Variants in MTAP observed in about 807,000 individuals in gnomAD.
MTAP encodes S-methyl-5'-thioadenosine phosphorylase.
Under a neutral mutation model 33.6 loss-of-function variants are expected in MTAP, and 33 were observed. The observed-to-expected ratio is 0.98, with a 90% CI of 0.74 to 1.31. The LOEUF is 1.31. Ranked by LOEUF, MTAP falls within the 40% of genes most tolerant of loss-of-function variation. MTAP has a pLI of 0.00. For synonymous variants in MTAP, 148 were observed against 125.7 expected (o/e 1.18, Z -1.19); for missense variants, 367 against 360.0 (o/e 1.02, Z -0.16).
intron 5 of MTAP, among the ~76,000 whole-genome samples, chr9:21,852,845 A>AT: frequency 6.6e-6 from 1 of 152,178 alleles, no homozygotes; most frequent in Admixed American, 6.5e-5. Context: ...AGGAGTTAAT[A>AT]TGAAAGTCCT....
At chr9:21,929,568 T>A in intron 1 of MTAP, 1 of 365,760 alleles carries the variant, frequency 2.7e-6, no homozygotes, top group Non-Finnish European at 5.7e-6. Context: ...CAGGATCCCC[T>A]TACTCCACCA....
At position 21,856,056 on chromosome 9, in the gene MTAP, CTT is replaced by C. The variant is rs544745908; in HGVS notation, c.690+1189_690+1190del. ...GTATTTTAATGATTACCTCTTGTCT[CTT>C]TTAATCTAATTTTCACCTCTTTCTC... On this transcript the variant is annotated intron_variant, in intron 6 of 7. Coordinates refer to ENST00000644715, the MANE Select transcript of MTAP (RefSeq NM_002451.4). 4 of 576,142 alleles carry C rather than the reference CTT, an allele frequency of 6.9e-6. No individual in the cohort carries two copies. In the African/African-American group the frequency reaches 8.1e-5, roughly 12 times the overall value. The allele number at this position is 576,142 out of a possible 1,614,324, so 35.7% of individuals were successfully genotyped here.
At chr9:21,820,800 T>C (rs1459548802) in intron 4 of MTAP, among the ~76,000 whole-genome samples, 1 of 152,216 alleles carries the variant, frequency 6.6e-6, no homozygotes, top group Non-Finnish European at 1.5e-5. Flanking sequence ...TTTTATTTCA[T>C]TGAGCAGTGG....
chr9:21,803,748 A>C (rs894971584), intron 1 of MTAP, among the ~76,000 whole-genome samples: 3 of 151,914 alleles, frequency 2.0e-5, no homozygotes, highest in African/African-American at 4.8e-5. Context: ...GATTTTTAGA[A>C]ATTTTTGGCC....
rs114436674 is a variant in MTAP, at chr9:21,842,914, A to G, written c.450+4904A>G. Among the ~76,000 whole-genome samples, 772 of 152,320 alleles carry G rather than the reference A, an allele frequency of 5.1e-3. 3 individuals carry two copies. Among genetic ancestry groups the G allele is most frequent in the African/African-American group, 0.018 (730 of 41,568 alleles). On this transcript the variant is annotated intron_variant, in intron 5 of 7. Coordinates refer to ENST00000644715, the MANE Select transcript of MTAP (RefSeq NM_002451.4). ...GAATAGAACAGTACCTCACATCCCAATACTGATGTCGAATGTAAATGACCT... is the reference window on the plus strand; with the variant it reads ...GAATAGAACAGTACCTCACATCCCAGTACTGATGTCGAATGTAAATGACCT...
chr9:21,848,881 G>T (rs1000196806), intron 5 of MTAP, among the ~76,000 whole-genome samples: 1 of 152,150 alleles, frequency 6.6e-6, no homozygotes, highest in Non-Finnish European at 1.5e-5. Context: ...GCACTCAGCT[G>T]TCAAAGGCAA....
intron 5 of MTAP, among the ~76,000 whole-genome samples, chr9:21,849,116 A>G (rs1263839013): frequency 1.3e-5 from 2 of 152,130 alleles, no homozygotes; most frequent in African/African-American, 4.8e-5. Flanking sequence ...CCCTCAACCA[A>G]TTTCCAGACT....
downstream of MTAP, chr9:21,934,297 A>T (rs184868514): frequency 1.3e-5 from 2 of 152,338 alleles, no homozygotes; most frequent in African/African-American, 4.8e-5. The surrounding 1 kb of genome is among the most constrained non-coding windows in gnomAD (Gnocchi z 5.0). Flanking sequence ...TAGGTTTTCA[A>T]TCTTGTCTAC....
chr9:21,846,108 T>C (rs890922506), intron 5 of MTAP, among the ~76,000 whole-genome samples: 1 of 152,120 alleles, frequency 6.6e-6, no homozygotes, highest in Non-Finnish European at 1.5e-5. Flanking sequence ...TAAAAATCAA[T>C]GCAAGATGCA....
At chr9:21,930,055 C>T in intron 1 of MTAP, 2 of 433,156 alleles carry the variant, frequency 4.6e-6, no homozygotes, top group Non-Finnish European at 4.5e-6. Context: ...CAAGCTCATG[C>T]AGTACTTGAA....
chr9:21,823,612 G>T lies in MTAP; in HGVS notation c.347+5410G>T, dbSNP rs1009448459. 2.8e-4 allele frequency among the ~76,000 whole-genome samples: 42 copies of T among 152,284 alleles called. No homozygotes were observed. In the Middle Eastern group the frequency reaches 0.014, roughly 49 times the overall value. ...GTCTTGGAGTTGCTCTTCTCGAGGA[G>T]TATCTTTGTGGCGTTCTCTGTATTT... On this transcript the variant is annotated intron_variant, in intron 4 of 7. Transcript: ENST00000644715.
intron 1 of MTAP, among the ~76,000 whole-genome samples, chr9:21,814,307 A>G (rs1247365860): frequency 6.6e-6 from 1 of 152,154 alleles, no homozygotes; most frequent in African/African-American, 2.4e-5. Context: ...CCTGAAAATT[A>G]TTTAATGCAG....
In MTAP at chr9:21,878,646, G is replaced by C. The variant is rs1310766342; in HGVS notation, c.147+23776G>C. 2.0e-5 allele frequency among the ~76,000 whole-genome samples: 3 copies of C among 152,248 alleles called. No homozygotes were observed. The East Asian group carries it at 5.8e-4, about 29-fold the overall frequency. On this transcript the variant is annotated intron_variant, in intron 1 of 1. Transcript: ENST00000577563. ...CAAAGTGCTGGGATTACAGGCATGA[G>C]CCACTGCACCCAGCCAAGATCTTGC...
intron 1 of MTAP, among the ~76,000 whole-genome samples, chr9:21,908,864 A>G (rs1302881659): frequency 1.3e-5 from 2 of 151,882 alleles, no homozygotes; most frequent in Non-Finnish European, 2.9e-5. Context: ...CTATTGTGTC[A>G]TTATTTTGAA....
At chr9:21,811,267 G>T (rs566877635) in intron 1 of MTAP, among the ~76,000 whole-genome samples, 1 of 152,326 alleles carries the variant, frequency 6.6e-6, no homozygotes, top group East Asian at 1.9e-4. Context: ...CTGGGACAAA[G>T]AAGGGTTGGT....
Position 21,843,727 on chromosome 9 carries a change from CCT to C in MTAP, c.450+5720_450+5721del, listed in dbSNP as rs145195424. ...ATTATAGTGACACAACTTATCAAAA[CCT>C]CTGGGATACAGAAAAAGTGGTGCTA... On this transcript the variant is annotated intron_variant, in intron 5 of 7. Coordinates refer to ENST00000644715, the MANE Select transcript of MTAP (RefSeq NM_002451.4). 1.5e-4 allele frequency among the ~76,000 whole-genome samples: 23 copies of C among 152,230 alleles called. No homozygotes were observed. The East Asian group carries it at 4.3e-3, about 28-fold the overall frequency.
intron 1 of MTAP, among the ~76,000 whole-genome samples, chr9:21,919,343 T>C (rs1334918533): frequency 1.3e-5 from 2 of 152,218 alleles, no homozygotes. Flanking sequence ...TACCAGATTA[T>C]TTTGAAGATA....
At chr9:21,875,303 A>G (rs975310354) in intron 1 of MTAP, among the ~76,000 whole-genome samples, 3 of 152,180 alleles carry the variant, frequency 2.0e-5, no homozygotes, top group Middle Eastern at 3.4e-3. Context: ...CTGGTGTGAG[A>G]TGGTATCTCA....
rs1387994912 is a variant in MTAP, at chr9:21,866,263, G to A, written c.*4249G>A. ...GTTTTATTATTGAATAGTAAGAATT[G>A]TTTATATATTCTGGATACACTCTTT... On this transcript the variant is annotated 3_prime_UTR_variant, in exon 8 of 8. Coordinates refer to ENST00000644715, the MANE Select transcript of MTAP (RefSeq NM_002451.4). The A allele has an allele frequency of 6.6e-6, 1 of 152,088 alleles. No homozygotes were observed. The highest frequency in any genetic ancestry group is 1.5e-5 in the Non-Finnish European group (1 of 67,976). The allele number at this position is 152,088 out of a possible 1,614,324, so 9.4% of individuals were successfully genotyped here. A position where few individuals can be genotyped will look rare whatever the true frequency, so the allele number is the denominator to read the frequency against.
Sources: allele counts gnomAD v4.1 joint callset (sites outside exome capture counted in the v4.1 genomes callset), GRCh38; gene constraint gnomAD v4.1.1; non-coding constraint Gnocchi (gnomAD v3.1); transcripts MANE v1.5; gene names NCBI Gene and HGNC (gene_info 2026-07-23, HGNC 2026-07-21).